The following CFTR variants were observed in gnomAD, a reference collection of about 807,000 sequenced individuals.
CFTR encodes the protein cystic fibrosis transmembrane conductance regulator.
A neutral mutation model predicts 171.6 loss-of-function variants in CFTR; 181 were observed. That is an observed-to-expected ratio of 1.05 (90% confidence interval 0.93 to 1.19). CFTR has a LOEUF of 1.19. CFTR is among the 50% of genes most tolerant of loss of function. The pLI, the probability that CFTR is intolerant of heterozygous loss-of-function variation, is 0.00. For missense variants in CFTR, 1,968 were observed against 1,734.7 expected (o/e 1.13, Z -2.39); for synonymous variants, 583 against 608.0 (o/e 0.96, Z 0.60).
At chr7:117,572,697 TC>T (rs915524421) in intron 11 of CFTR, among the ~76,000 whole-genome samples, 9 of 152,136 alleles carry the variant, frequency 5.9e-5, no homozygotes, top group Non-Finnish European at 1.0e-4. Flanking sequence ...CCACACTTAT[TC>T]CCCCCTTGTC....
chr7:117,598,169 G>T (rs932045674), intron 15 of CFTR, among the ~76,000 whole-genome samples: 4 of 152,110 alleles, frequency 2.6e-5, no homozygotes, highest in Non-Finnish European at 5.9e-5. Flanking sequence ...TAAAATACGG[G>T]TAGTTGATTA....
intron 1 of CFTR, among the ~76,000 whole-genome samples, chr7:117,482,479 A>G (rs1326825012): frequency 6.6e-6 from 1 of 152,146 alleles, no homozygotes; most frequent in African/African-American, 2.4e-5. Flanking sequence ...ATCCATATAT[A>G]TATATAAAAT....
In CFTR at chr7:117,534,324, C is replaced by T. The variant is rs374163420; in HGVS notation, c.538C>T (p.Leu180Phe). ...RVLDKISIGQ[L>F]VSLLSNNLNK... Reference sequence around the variant, plus strand: ...TCTAGATAAAATAAGTATTGGACAACTTGTTAGTCTCCTTTCCAACAACCT... The same window carrying T: ...TCTAGATAAAATAAGTATTGGACAATTTGTTAGTCTCCTTTCCAACAACCT... The change falls in exon 5 of 27, where the codon CTT (leucine) becomes TTT (phenylalanine). Residue 180 changes from leucine (L) to phenylalanine (F), a missense_variant. Coordinates refer to ENST00000003084, the MANE Select transcript of CFTR (RefSeq NM_000492.4). The T allele has an allele frequency of 6.2e-7, 1 of 1,605,312 alleles. No homozygotes were observed. Among genetic ancestry groups the T allele is most frequent in the Non-Finnish European group, 8.5e-7 (1 of 1,172,550 alleles).
chr7:117,520,128 T>C (rs1235291088), intron 3 of CFTR, among the ~76,000 whole-genome samples: 1 of 151,888 alleles, frequency 6.6e-6, no homozygotes, highest in Non-Finnish European at 1.5e-5. Context: ...ATTATGCATT[T>C]ATATTTCTTT....
rs555758883 is a variant in CFTR, at chr7:117,648,402, G to A, written c.3874-4440G>A. On this transcript the variant is annotated intron_variant, in intron 23 of 26. Transcript: ENST00000003084. ...ATATAGCCTCACGTGTTGCCACTGA[G>A]TTGAGTTGAGGAGTCAAGCTGTAGC... 2.6e-5 allele frequency among the ~76,000 whole-genome samples: 4 copies of A among 152,264 alleles called. No homozygotes were observed. The South Asian group carries it at 8.3e-4, about 32-fold the overall frequency.
At chr7:117,573,041 TCTCTCTCTCTCTCTCTTG>T (rs1412553432) in intron 11 of CFTR, among the ~76,000 whole-genome samples, 1 of 144,848 alleles carries the variant, frequency 6.9e-6, no homozygotes, top group Non-Finnish European at 1.6e-5. Context: ...ACCCTTTCTC[TCTCTCTCTCTCTCTCTTG>T]CTCTCTCTCT....
intron 23 of CFTR, among the ~76,000 whole-genome samples, chr7:117,650,491 C>T (rs1360645926): frequency 6.6e-6 from 1 of 151,906 alleles, no homozygotes; most frequent in African/African-American, 2.4e-5. Context: ...CCTTCCAGGC[C>T]AGAACTGCAT....
chr7:117,569,314 G>T (rs1234556485), intron 11 of CFTR, among the ~76,000 whole-genome samples: 8 of 152,128 alleles, frequency 5.3e-5, no homozygotes, highest in Non-Finnish European at 1.0e-4. Context: ...AAGGGAAGAA[G>T]AGAGAACATT....
Position 117,549,343 on chromosome 7 carries a change from A to G in CFTR, c.1392+520A>G, listed in dbSNP as rs916098414. The stretch of plus-strand genomic sequence containing the variant: ...AATACATAGGAATGTTAATTTATTC[A>G]GTGGTCATCCTCTTCTCCATATCCC... On this transcript the variant is annotated intron_variant, in intron 10 of 26. Transcript: ENST00000003084. 2.0e-5 allele frequency among the ~76,000 whole-genome samples: 3 copies of G among 152,216 alleles called. No homozygotes were observed. The East Asian group carries it at 5.8e-4, about 29-fold the overall frequency.
intron 3 of CFTR, among the ~76,000 whole-genome samples, chr7:117,518,334 A>G (rs1584780017): frequency 7.0e-6 from 1 of 142,902 alleles, no homozygotes; most frequent in East Asian, 1.9e-4. Flanking sequence ...TATATAACAT[A>G]TGTTATATAA....
chr7:117,481,555 A>G (rs1212935780), intron 1 of CFTR, among the ~76,000 whole-genome samples: 3 of 152,194 alleles, frequency 2.0e-5, no homozygotes, highest in African/African-American at 4.8e-5. Flanking sequence ...CACATTTAAT[A>G]TAGGTTAAAA....
At chr7:117,579,466 A>G (rs1791819749) in intron 11 of CFTR, among the ~76,000 whole-genome samples, 1 of 151,890 alleles carries the variant, frequency 6.6e-6, no homozygotes, top group African/African-American at 2.4e-5. Context: ...TAGCTATGTT[A>G]TCTTTGGGAT....
intron 11 of CFTR, among the ~76,000 whole-genome samples, chr7:117,561,271 T>G (rs941091499): frequency 6.6e-6 from 1 of 152,130 alleles, no homozygotes; most frequent in South Asian, 2.1e-4. Flanking sequence ...TCAATAGGGT[T>G]GTTAAAAATA....
At chr7:117,648,038 A>G (rs900873709) in intron 23 of CFTR, among the ~76,000 whole-genome samples, 4 of 147,510 alleles carry the variant, frequency 2.7e-5, no homozygotes, top group African/African-American at 4.9e-5. Context: ...ATATATATAC[A>G]CACACACATT....
At chr7:117,609,866 A>G (rs956618241) in intron 18 of CFTR, among the ~76,000 whole-genome samples, 1 of 152,142 alleles carries the variant, frequency 6.6e-6, no homozygotes, top group Non-Finnish European at 1.5e-5. Context: ...AAAGAACACC[A>G]TGTTTTCAAA....
intron 21 of CFTR, 124 bp from the exon 22 acceptor site, chr7:117,627,398 G>C (rs997356061): frequency 2.7e-5 from 28 of 1,023,164 alleles, no homozygotes; most frequent in Non-Finnish European, 4.1e-5. Context: ...TGAAAAGCCC[G>C]ACAAATAACC....
intron 11 of CFTR, among the ~76,000 whole-genome samples, chr7:117,580,630 G>A (rs4148709): frequency 0.11 from 16,409 of 151,830 alleles, 1,399 homozygotes; most frequent in East Asian, 0.41. Flanking sequence ...TAAATGCCAG[G>A]GTAAATCACA....
At chr7:117,606,275 C>T (rs543677522) in intron 17 of CFTR, among the ~76,000 whole-genome samples, 1 of 151,954 alleles carries the variant, frequency 6.6e-6, no homozygotes, top group Non-Finnish European at 1.5e-5. Context: ...GAAGGAGACC[C>T]CTATGTTATA....
At chr7:117,516,238 T>A (rs181696915) in intron 3 of CFTR, among the ~76,000 whole-genome samples, 5 of 152,198 alleles carry the variant, frequency 3.3e-5, no homozygotes, top group Admixed American at 3.3e-4. Flanking sequence ...TCAGCATTTT[T>A]TTTTTGTTAA....
Sources: gnomAD v4.1 joint callset for allele counts (sites outside exome capture counted in the v4.1 genomes callset) on GRCh38, gnomAD v4.1.1 for gene constraint, MANE v1.5 for transcripts, NCBI Gene and HGNC (gene_info 2026-07-23, HGNC 2026-07-21) for gene names.